THRAP3: variants seen among roughly 807,000 people sequenced by gnomAD.
The protein encoded by THRAP3 is thyroid hormone receptor-associated protein 3.
THRAP3 carries 16 observed loss-of-function variants against 101.0 expected under a neutral mutation model. The ratio of observed to expected loss-of-function variants is 0.16; its 90% confidence interval spans 0.11 to 0.24. The LOEUF is 0.24. Ranked by LOEUF, THRAP3 falls within the 10% of genes least tolerant of loss-of-function variation. The probability of loss-of-function intolerance (pLI) is 1.00; values close to 1 mark genes in which losing one functional copy is unlikely to be tolerated. For synonymous variants in THRAP3, 407 were observed against 422.6 expected, an observed-to-expected ratio of 0.96 and a Z score of 0.45; for missense variants, 989 against 1,202.7, an observed-to-expected ratio of 0.82 and a Z score of 2.63.
intron 4 of THRAP3, chr1:36,288,700 G>A (rs1645826988): frequency 1.0e-6 from 1 of 985,366 alleles, no homozygotes; most frequent in South Asian, 4.7e-5. Flanking sequence ...TTAAGTGACT[G>A]AGTGAAGGTT....
chr1:36,289,674 G>A lies in THRAP3; in HGVS notation c.1655G>A (p.Gly552Glu), dbSNP rs1441269148. 1 of 1,614,188 alleles carries A rather than the reference G, an allele frequency of 6.2e-7. No individual in the cohort carries two copies. The highest frequency in any genetic ancestry group is 8.5e-7 in the Non-Finnish European group (1 of 1,180,032). The change falls in exon 5 of 12, where the codon GGA becomes GAA. Residue 552 changes from glycine (G) to glutamate (E), a missense_variant. Coordinates refer to ENST00000354618, the MANE Select transcript of THRAP3 (RefSeq NM_005119.4). ...SESRDKLGAKGDFPTGKSSFS... is the reference protein window; with the variant it reads ...SESRDKLGAKEDFPTGKSSFS... ...AGCCGAGACAAGCTGGGAGCGAAAG[G>A]AGATTTTCCCACAGGAAAGTCTTCC...
At chr1:36,252,428 T>C (rs1474522015) in intron 1 of THRAP3, among the ~76,000 whole-genome samples, 1 of 152,028 alleles carries the variant, frequency 6.6e-6, no homozygotes, top group Non-Finnish European at 1.5e-5. Flanking sequence ...CTGGCCAAGG[T>C]TGATTCTTAG....
chr1:36,261,692 T>C (rs1645448076), intron 2 of THRAP3, among the ~76,000 whole-genome samples: 1 of 151,996 alleles, frequency 6.6e-6, no homozygotes, highest in African/African-American at 2.4e-5. Flanking sequence ...AGTTGGTGTC[T>C]CTAGATAGCT....
At chr1:36,212,090 T>C in the THRAP3 span, among the ~76,000 whole-genome samples, 13 of 152,208 alleles carry the variant, frequency 8.5e-5, no homozygotes, top group Admixed American at 6.5e-4. Context: ...ATAGCTGGGA[T>C]TATGTGTTTC....
At position 36,262,747 on chromosome 1, in the gene THRAP3, C is replaced by G. The variant is rs186516424; in HGVS notation, c.-32+3263C>G. Among the ~76,000 whole-genome samples the G allele has an allele frequency of 3.2e-3, 486 of 151,492 alleles. 4 individuals carry two copies. The highest frequency in any genetic ancestry group is 0.011 in the African/African-American group (467 of 41,426). On this transcript the variant is annotated intron_variant, in intron 2 of 11. Transcript: ENST00000354618. The stretch of plus-strand genomic sequence containing the variant: ...GTATTTATCAGTGTTTAGCCCAAGG[C>G]TTTAATAGTAATGCTTCTATTTTAT...
rs1015126946 is a variant in THRAP3 at position 36,234,969 on chromosome 1, G to A, written c.-135+10464G>A. On this transcript the variant is annotated intron_variant, in intron 1 of 11. Transcript: ENST00000354618. ...GCTGGGATTACAGGCATCCACTACC[G>A]CGCCTGGCTAATTTTTGTATTTTTA... is the stretch of plus-strand genomic sequence containing the variant. 2.6e-5 allele frequency among the ~76,000 whole-genome samples: 4 copies of A among 151,858 alleles called. 1 individual carries two copies. The highest frequency in any genetic ancestry group is 4.8e-5 in the African/African-American group (2 of 41,360).
chr1:36,292,260 G>GTTTTTTTTTT (rs1553124853), intron 6 of THRAP3, among the ~76,000 whole-genome samples: 3 of 13,112 alleles, frequency 2.3e-4, no homozygotes, highest in Admixed American at 1.4e-3. Context: ...GTGTTTCTTT[G>GTTTTTTTTTT]TTTCTTTTTT....
chr1:36,288,764 T>G, intron 4 of THRAP3: 1 of 985,458 alleles, frequency 1.0e-6, no homozygotes, highest in Non-Finnish European at 1.2e-6. Context: ...GTAAGTAGGT[T>G]TTTGTTTTTG....
intron 6 of THRAP3, among the ~76,000 whole-genome samples, chr1:36,292,260 G>GGTTTTTTTTTTTTTTT (rs1645882908): frequency 7.6e-5 from 1 of 13,112 alleles, no homozygotes; most frequent in East Asian, 2.5e-3. Context: ...GTGTTTCTTT[G>GGTTTTTTTTTTTTTTT]TTTCTTTTTT....
intron 1 of THRAP3, among the ~76,000 whole-genome samples, chr1:36,253,760 ATTTTTT>A (rs58306701): frequency 2.0e-5 from 2 of 100,236 alleles, no homozygotes; most frequent in Non-Finnish European, 3.7e-5. Flanking sequence ...AGTCAGGCTA[ATTTTTT>A]TTTTTTTTTT....
intron 2 of THRAP3, among the ~76,000 whole-genome samples, chr1:36,273,607 C>T (rs900475083): frequency 6.6e-6 from 1 of 152,174 alleles, no homozygotes; most frequent in Admixed American, 6.6e-5. Flanking sequence ...AAATGAAACA[C>T]GAGGCATCTA....
chr1:36,259,173 G>A (rs1186983090), intron 1 of THRAP3, among the ~76,000 whole-genome samples: 1 of 152,176 alleles, frequency 6.6e-6, no homozygotes, highest in Admixed American at 6.5e-5. Flanking sequence ...CAGTAAGGAA[G>A]GCTTTTGCTT....
chr1:36,274,824 G>A (rs1050593409), intron 2 of THRAP3, among the ~76,000 whole-genome samples: 2 of 150,584 alleles, frequency 1.3e-5, no homozygotes, highest in East Asian at 4.0e-4. Flanking sequence ...GTAGAGACGG[G>A]GTTTCACCAT....
Position 36,289,355 on chromosome 1 carries a change from T to C in THRAP3, c.1336T>C (p.Phe446Leu). The change falls in exon 5 of 12, where the codon TTT becomes CTT. Residue 446 changes from phenylalanine to leucine, a missense_variant. By Grantham distance (22) the Phe-to-Leu change is conservative. Coordinates refer to ENST00000354618, the MANE Select transcript of THRAP3 (RefSeq NM_005119.4). ...AGCTAAGGGAAGAAAGGAATCTGAG[T>C]TTGATGATGAACCCAAATTTATGTC... The part of the protein sequence containing the change: ...DKAKGRKESE[F>L]DDEPKFMSKV... 1 of 1,613,606 alleles carries C rather than the reference T, an allele frequency of 6.2e-7. No homozygotes were observed. The highest frequency in any genetic ancestry group is 2.2e-5 in the East Asian group (1 of 44,854).
At chr1:36,254,668 C>G (rs1177899216) in intron 1 of THRAP3, among the ~76,000 whole-genome samples, 1 of 152,058 alleles carries the variant, frequency 6.6e-6, no homozygotes. Context: ...TGTGACTGTT[C>G]CTATAAAATT....
chr1:36,304,852 T>C lies in THRAP3; in HGVS notation c.*835T>C, dbSNP rs1164948207. ...ACTGGAGGGCAGTGTCTGGTCTGTT[T>C]TCTAAGAAACTTATGAATTCTATTA... is the stretch of plus-strand genomic sequence containing the variant. On this transcript the variant is annotated 3_prime_UTR_variant, in exon 12 of 12. Transcript: ENST00000354618. The C allele has an allele frequency of 2.4e-5, 5 of 206,482 alleles. No individual in the cohort carries two copies. Among genetic ancestry groups the C allele is most frequent in the Admixed American group, 6.0e-5 (1 of 16,798 alleles). The allele number at this position is 206,482 out of a possible 1,614,324, so 12.8% of individuals were successfully genotyped here. A position where few individuals can be genotyped will look rare whatever the true frequency, so the allele number is the denominator to read the frequency against.
chr1:36,277,194 C>T (rs1293125662), intron 2 of THRAP3, among the ~76,000 whole-genome samples: 1 of 151,952 alleles, frequency 6.6e-6, no homozygotes, highest in Non-Finnish European at 1.5e-5. Context: ...ATCTCGAACT[C>T]CTGACCTCAG....
At chr1:36,270,571 G>GTTTTTT (rs532301363) in intron 2 of THRAP3, among the ~76,000 whole-genome samples, 6,414 of 31,100 alleles carry the variant, frequency 0.21, 433 homozygotes, top group Non-Finnish European at 0.39. Flanking sequence ...ATTTGTTTAG[G>GTTTTTT]TTTTTGTTTT....
chr1:36,258,107 G>C (rs1371326602), intron 1 of THRAP3, among the ~76,000 whole-genome samples: 1 of 152,180 alleles, frequency 6.6e-6, no homozygotes. Context: ...CCAAAGTGCT[G>C]GGATTACAGG....
Sources: allele counts gnomAD v4.1 joint callset (sites outside exome capture counted in the v4.1 genomes callset), GRCh38; gene constraint gnomAD v4.1.1; transcripts MANE v1.5; gene names NCBI Gene and HGNC (gene_info 2026-07-23, HGNC 2026-07-21).